The following IL27RA variants were observed in gnomAD, a reference collection of about 807,000 sequenced individuals.
IL27RA encodes the protein interleukin-27 receptor subunit alpha.
In IL27RA, 61 loss-of-function variants were observed where a neutral mutation model predicts 80.8. The ratio of observed to expected loss-of-function variants is 0.76; its 90% CI spans 0.61 to 0.93. The LOEUF is 0.93. Among genes scored for constraint, IL27RA ranks in the 40% least tolerant of loss-of-function variants. The probability of loss-of-function intolerance (pLI) is 0.00; values close to 1 mark genes in which losing one functional copy is unlikely to be tolerated. For missense variants in IL27RA, 735 were observed against 808.1 expected (o/e 0.91, Z 1.10); for synonymous variants, 316 against 332.5 (o/e 0.95, Z 0.54).
intron 8 of IL27RA, among the ~76,000 whole-genome samples, chr19:14,047,190 C>T (rs1241259315): frequency 2.7e-5 from 4 of 148,298 alleles, no homozygotes; most frequent in African/African-American, 7.5e-5. Context: ...ACTATGGGAG[C>T]GTACCACCAC....
chr19:14,048,009 G>A (rs546854639), intron 8 of IL27RA, among the ~76,000 whole-genome samples: 6 of 147,586 alleles, frequency 4.1e-5, no homozygotes, highest in Non-Finnish European at 7.4e-5. Flanking sequence ...CCAGGCTGGA[G>A]TGCAGTGGCG....
At chr19:14,037,834 C>CTCTCTTTTTTTTT (rs77898584) in intron 2 of IL27RA, among the ~76,000 whole-genome samples, 4 of 129,412 alleles carry the variant, frequency 3.1e-5, no homozygotes, top group East Asian at 2.6e-4. Flanking sequence ...CTCTCTCTCT[C>CTCTCTTTTTTTTT]TTTTTTTTTT....
chr19:14,034,969 C>T (rs1975877712), intron 2 of IL27RA, among the ~76,000 whole-genome samples: 2 of 139,924 alleles, frequency 1.4e-5, no homozygotes, highest in South Asian at 4.5e-4. Context: ...AAAAAAAATT[C>T]ATACAACATA....
Position 14,052,978 on chromosome 19 carries a change from A to G in IL27RA, c.*688A>G, listed in dbSNP as rs905377814. 3.9e-5 allele frequency: 6 copies of G among 152,002 alleles called. No homozygotes were observed. Among genetic ancestry groups the G allele is most frequent in the African/African-American group, 1.4e-4 (6 of 41,396 alleles). The allele number at this position is 152,002 out of a possible 1,614,324, so 9.4% of individuals were successfully genotyped here. ...CAGCTCCCTTGCATCCAGGTGCAGC[A>G]TGGACTGAGTTCTTGACAACAGAAT... On this transcript the variant is annotated 3_prime_UTR_variant, in exon 14 of 14. Transcript: ENST00000263379.
intron 2 of IL27RA, among the ~76,000 whole-genome samples, chr19:14,034,670 A>G (rs1975871663): frequency 7.2e-6 from 1 of 139,658 alleles, no homozygotes; most frequent in African/African-American, 2.7e-5. Flanking sequence ...AAAAAAAAAA[A>G]AGGCCGGGCG....
chr19:14,051,842 A>C, intron 12 of IL27RA, 38 bp from the exon 13 acceptor site: 1 of 1,523,884 alleles, frequency 6.6e-7, no homozygotes, highest in Non-Finnish European at 9.0e-7. Context: ...GCATCTGGCC[A>C]TCTGGATCTG....
In IL27RA at chr19:14,049,104, G is replaced by T. The variant is rs971564843; in HGVS notation, c.1243+22G>T. ...TTAGGTAAGAGTGGGGCTGGAGGAT[G>T]GGGGGGCTTCTGTAACCCAGGCCGA... On this transcript the variant is annotated intron_variant, in intron 9 of 13. Coordinates refer to ENST00000263379, the MANE Select transcript of IL27RA (RefSeq NM_004843.4). The T allele has an allele frequency of 6.2e-6, 10 of 1,611,342 alleles. No individual in the cohort carries two copies. The African/African-American group carries it at 8.0e-5, about 13-fold the overall frequency.
At chr19:14,050,357 C>G (rs1290349844) in intron 10 of IL27RA, among the ~76,000 whole-genome samples, 1 of 151,770 alleles carries the variant, frequency 6.6e-6, no homozygotes, top group Non-Finnish European at 1.5e-5. Context: ...TAAAAATTAG[C>G]CAGATGTGGT....
At chr19:14,038,736 T>C (rs979026720) in intron 2 of IL27RA, among the ~76,000 whole-genome samples, 17 of 150,634 alleles carry the variant, frequency 1.1e-4, no homozygotes, top group African/African-American at 2.7e-4. Flanking sequence ...AGTACAAAAC[T>C]AGCCGGGAGT....
intron 2 of IL27RA, among the ~76,000 whole-genome samples, chr19:14,032,729 C>G (rs1975838383): frequency 6.7e-6 from 1 of 149,212 alleles, no homozygotes; most frequent in South Asian, 2.1e-4. Context: ...TCGCTTGAAC[C>G]CGGGAGGCGG....
Position 14,046,297 on chromosome 19 carries a change from A to G in IL27RA, c.912A>G (p.Thr304=). Residue 304 remains threonine (T), a synonymous_variant, in exon 7 of 14, where the codon ACA becomes ACG. Coordinates refer to ENST00000263379, the MANE Select transcript of IL27RA (RefSeq NM_004843.4). ...EWARVSAVNA[T]SWEPLTNLSL... is the part of the protein sequence containing the mutation. ...CCAGGGTGTCCGCTGTCAACGCCAC[A>G]AGCTGGGAGCCTCTCACCAACCTCT... is the stretch of plus-strand genomic sequence containing the variant. 1.9e-6 allele frequency: 3 copies of G among 1,613,988 alleles called. No homozygotes were observed. The highest frequency in any genetic ancestry group is 2.5e-6 in the Non-Finnish European group (3 of 1,179,984).
Position 14,037,834 on chromosome 19 carries a change from C to CTCTTTTTTTTTTT in IL27RA, c.219-1673_219-1672insCTTTTTTTTTTTT, listed in dbSNP as rs77898584. On this transcript the variant is annotated intron_variant, in intron 2 of 13. Transcript: ENST00000263379. ...AGTGAGACCCTCTCGCTCTCTCTCT[C>CTCTTTTTTTTTTT]TTTTTTTTTTTTTTTGAAATGGAGT... 7.2e-4 allele frequency among the ~76,000 whole-genome samples: 93 copies of CTCTTTTTTTTTTT among 129,380 alleles called. 2 individuals carry two copies. Among genetic ancestry groups the CTCTTTTTTTTTTT allele is most frequent in the East Asian group, 2.6e-3 (10 of 3,896 alleles). 84.9% of individuals were successfully genotyped at this position (129,380 alleles called of 152,430 possible).
intron 10 of IL27RA, among the ~76,000 whole-genome samples, 166 bp from the exon 11 acceptor site, chr19:14,050,592 G>A (rs1360267305): frequency 6.6e-6 from 1 of 151,944 alleles, no homozygotes; most frequent in Non-Finnish European, 1.5e-5. Context: ...GCGGGGTCAA[G>A]GAAAGCCTCA....
intron 1 of IL27RA, 120 bp downstream of exon 1, chr19:14,032,092 G>C: frequency 2.2e-6 from 2 of 890,780 alleles, no homozygotes; most frequent in Non-Finnish European, 3.4e-6. Context: ...GGCGCCACTC[G>C]GCTCCTCCCG....
rs372780924 is a variant in IL27RA, at chr19:14,048,948, A to C, written c.1142-33A>C. ...GAAATGAGCATGGGAAGGAGAGCCA[A>C]CTCTAACTGGTCTTTATTTCTTTGT... is the stretch of plus-strand genomic sequence containing the variant. On this transcript the variant is annotated intron_variant, in intron 8 of 13. Coordinates refer to ENST00000263379, the MANE Select transcript of IL27RA (RefSeq NM_004843.4). 24 of 1,587,230 alleles carry C rather than the reference A, an allele frequency of 1.5e-5. No individual in the cohort carries two copies. The African/African-American group carries it at 3.0e-4, about 20-fold the overall frequency.
chr19:14,048,886 A>G, intron 8 of IL27RA, 95 bp from the exon 9 acceptor site: 3 of 1,021,680 alleles, frequency 2.9e-6, no homozygotes, highest in Non-Finnish European at 4.6e-6. Context: ...TCCTTATCTC[A>G]GGGTGTCCTT....
In IL27RA at chr19:14,039,636, C is replaced by T; in HGVS notation, c.347C>T (p.Pro116Leu). 1 of 1,614,000 alleles carries T rather than the reference C, an allele frequency of 6.2e-7. No individual in the cohort carries two copies. The change falls in exon 3 of 14, where the codon CCC (proline) becomes CTC (leucine). Residue 116 changes from proline to leucine, a missense_variant. Transcript: ENST00000263379. ...WGTKAGQPLW[P>L]PVFVNLETQM... ...ACTAAGGCAGGCCAGCCTCTCTGGC[C>T]CCCCGTCTTCGTGAACCTAGAAACC...
intron 2 of IL27RA, among the ~76,000 whole-genome samples, chr19:14,038,511 A>G (rs1975937658): frequency 6.7e-6 from 1 of 149,350 alleles, no homozygotes; most frequent in African/African-American, 2.5e-5. Context: ...CTAGGAGTTC[A>G]AGGTTGCAGT....
intron 10 of IL27RA, 133 bp downstream of exon 10, chr19:14,049,447 C>A: frequency 1.3e-6 from 1 of 783,062 alleles, no homozygotes; most frequent in Non-Finnish European, 1.9e-6. Flanking sequence ...TCCCTCTTGG[C>A]TATCAATGTA....
Sources: allele counts gnomAD v4.1 joint callset (sites outside exome capture counted in the v4.1 genomes callset), GRCh38; gene constraint gnomAD v4.1.1; transcripts MANE v1.5; gene names NCBI Gene and HGNC (gene_info 2026-07-23, HGNC 2026-07-21).